The following LAMA5 variants were observed in gnomAD, a reference collection of about 807,000 sequenced individuals.
LAMA5 encodes the protein laminin subunit alpha 5, also known as laminin subunit alpha-5.
Under a neutral mutation model 433.4 loss-of-function variants are expected in LAMA5, and 260 were observed. That is an observed-to-expected ratio of 0.60 (90% CI 0.54 to 0.66). The LOEUF (loss-of-function observed/expected upper bound fraction) is 0.66. LAMA5 is among the 30% of genes least tolerant of loss of function. The pLI is 0.00. For synonymous variants in LAMA5, 2,620 were observed against 2,226.6 expected (o/e 1.18, Z -4.97); for missense variants, 5,378 against 5,258.5 (o/e 1.02, Z -0.70).
chr20:62,323,395 A>C, intron 45 of LAMA5, 61 bp downstream of exon 45: 1 of 1,341,136 alleles, frequency 7.5e-7, no homozygotes, highest in Non-Finnish European at 1.0e-6. Context: ...TACGCCCAGC[A>C]GGCCTCCCTC....
chr20:62,311,961 A>C lies in LAMA5; in HGVS notation c.9594T>G (p.Asp3198Glu), dbSNP rs774957770. The change falls in exon 70 of 80, where the codon GAT becomes GAG. Residue 3198 changes from aspartate to glutamate, a missense_variant. Coordinates refer to ENST00000252999, the MANE Select transcript of LAMA5 (RefSeq NM_005560.6). The stretch of plus-strand genomic sequence containing the variant: ...AGAAGGCGACGTAATGGGGGGCACC[A>C]TCGGCGAAGCCCGCTTGAGTTTTCA... ...TEVKTQAGFA[D>E]GAPHYVAFYS... The C allele has an allele frequency of 1.6e-5, 25 of 1,612,586 alleles. No individual in the cohort carries two copies. Among genetic ancestry groups the C allele is most frequent in the Non-Finnish European group, 2.0e-5 (24 of 1,179,906 alleles).
intron 2 of LAMA5, among the ~76,000 whole-genome samples, chr20:62,353,539 G>A (rs1475407308): frequency 1.3e-5 from 2 of 152,286 alleles, no homozygotes; most frequent in African/African-American, 4.8e-5. Flanking sequence ...GGAGTTTGGG[G>A]TTCCCCCATG....
At chr20:62,333,847 G>GTGGGA in intron 23 of LAMA5, 54 bp downstream of exon 23, 1 of 1,471,754 alleles carries the variant, frequency 6.8e-7, no homozygotes, top group Admixed American at 2.1e-5. Flanking sequence ...GTGGGGTGGG[G>GTGGGA]TGGGGTGGGC....
rs749010111 is a variant in LAMA5, at chr20:62,336,307, C to T, written c.2323+33G>A. ...CTTGTGGGCACAGTTCCCCAAGGAACCCCTGTACCCCAATACTCCAGGGCA... is the reference window on the plus strand; with the variant it reads ...CTTGTGGGCACAGTTCCCCAAGGAATCCCTGTACCCCAATACTCCAGGGCA... On this transcript the variant is annotated intron_variant, in intron 18 of 79. Coordinates refer to ENST00000252999, the MANE Select transcript of LAMA5 (RefSeq NM_005560.6). 9 of 1,462,322 alleles carry T rather than the reference C, an allele frequency of 6.2e-6. No individual in the cohort carries two copies. The Admixed American group carries it at 1.8e-4, about 29-fold the overall frequency. The allele number at this position is 1,462,322 out of a possible 1,614,324, so 90.6% of individuals were successfully genotyped here. A position where few individuals can be genotyped will look rare whatever the true frequency, so the allele number is the denominator to read the frequency against.
At position 62,333,935 on chromosome 20, in the gene LAMA5, C is replaced by G; in HGVS notation, c.2844G>C (p.Val948=). The change falls in exon 23 of 80, where the codon GTG becomes GTC. Residue 948 remains valine (V), a synonymous_variant. Coordinates refer to ENST00000252999, the MANE Select transcript of LAMA5 (RefSeq NM_005560.6). ...GAMSVSGRVS[V]REEGRSATCA... is the part of the protein sequence containing the mutation. ...AGGTGGCCGACCTGCCCTCCTCTCG[C>G]ACAGAGACCCGCCCGCTCACACTCA... 6.2e-7 allele frequency: 1 copy of G among 1,611,354 alleles called. No homozygotes were observed.
chr20:62,333,017 C>T lies in LAMA5; in HGVS notation c.3282+73G>A, dbSNP rs539201271. On this transcript the variant is annotated intron_variant, in intron 26 of 79. Transcript: ENST00000252999. ...GCGCCCTGCTCCTATAACCTGCCACCGCCACAGGACCCCCAGCCCCCAGGC... is the reference window on the plus strand; with the variant it reads ...GCGCCCTGCTCCTATAACCTGCCACTGCCACAGGACCCCCAGCCCCCAGGC... The T allele has an allele frequency of 6.4e-6, 9 of 1,400,180 alleles. No individual in the cohort carries two copies. In the East Asian group the frequency reaches 1.0e-4, roughly 16 times the overall value. 86.7% of individuals were successfully genotyped at this position (1,400,180 alleles called of 1,614,324 possible).
rs776715728 is a variant in LAMA5, at chr20:62,322,243, C to G, written c.6346+26G>C. The G allele has an allele frequency of 3.2e-6, 5 of 1,569,946 alleles. No homozygotes were observed. The East Asian group carries it at 1.2e-4, about 36-fold the overall frequency. On this transcript the variant is annotated intron_variant, in intron 47 of 79. Coordinates refer to ENST00000252999, the MANE Select transcript of LAMA5 (RefSeq NM_005560.6). ...TACCCCACTCAGAAGTCCCCATCCG[C>G]CCTCCTGTGACCGGCCAGCACTCAC...
chr20:62,352,171 C>T (rs375204592), intron 4 of LAMA5, 71 bp downstream of exon 4: 40 of 1,573,858 alleles, frequency 2.5e-5, no homozygotes, highest in Middle Eastern at 1.8e-4. Context: ...CAGCCCCGCT[C>T]GGCACTGCCC....
rs375971941 is a variant in LAMA5 at position 62,310,951 on chromosome 20, C to T, written c.10232G>A (p.Arg3411Gln). The T allele has an allele frequency of 1.9e-5, 30 of 1,611,254 alleles. No individual in the cohort carries two copies. Among genetic ancestry groups the T allele is most frequent in the African/African-American group, 4.0e-5 (3 of 74,906 alleles). Residue 3411 changes from arginine to glutamine, a missense_variant, in exon 74 of 80, where the codon CGG becomes CAG. Coordinates refer to ENST00000252999, the MANE Select transcript of LAMA5 (RefSeq NM_005560.6). ...FVAQMEGLGT[R>Q]LRAQSRQRSR... ...GCGCTGGCGGCTCTGGGCGCGGAGCCGAGTCCCGAGGCCTTCCATCTGTGC... is the reference window on the plus strand; with the variant it reads ...GCGCTGGCGGCTCTGGGCGCGGAGCTGAGTCCCGAGGCCTTCCATCTGTGC...
chr20:62,314,179 GGC>G, intron 62 of LAMA5, 123 bp downstream of exon 62: 1 of 1,239,932 alleles, frequency 8.1e-7, no homozygotes, highest in South Asian at 1.4e-5. Context: ...GGCACGGAGA[GGC>G]GAGGGGTGGC....
rs753364901 is a variant in LAMA5 at position 62,346,506 on chromosome 20, G to A, written c.1282C>T (p.Arg428Cys). ...CACCCGCCCAGCTGAGCCCACTCAC[G>A]GCGGCAGACGTGGGGCGAGTCGAGA... ...HPLDSPHVCR[R>C]CNCESDFTDG... The change falls in exon 9 of 80, where the codon CGC becomes TGC. Residue 428 changes from arginine (R) to cysteine (C), a missense_variant and splice_region_variant. Coordinates refer to ENST00000252999, the MANE Select transcript of LAMA5 (RefSeq NM_005560.6). The A allele has an allele frequency of 1.9e-5, 29 of 1,550,790 alleles. No individual in the cohort carries two copies. Among genetic ancestry groups the A allele is most frequent in the Middle Eastern group, 3.3e-4 (2 of 6,014 alleles).
chr20:62,351,050 A>G (rs1760073), intron 6 of LAMA5: 88,317 of 153,878 alleles, frequency 0.57, 27,523 homozygotes, highest in East Asian at 0.75. Context: ...GCTGCTGCCC[A>G]TCCTGTGAGG....
intron 34 of LAMA5, 22 bp downstream of exon 34, chr20:62,328,822 G>C: frequency 6.2e-7 from 1 of 1,604,682 alleles, no homozygotes. Flanking sequence ...GCCACTGGGC[G>C]CCCAAGGACT....
intron 18 of LAMA5, 121 bp downstream of exon 18, chr20:62,336,219 G>A (rs1981600640): frequency 1.5e-6 from 1 of 678,674 alleles, no homozygotes; most frequent in South Asian, 1.9e-5. Flanking sequence ...CTCCCTCCAG[G>A]GCACACTCAC....
rs749607911 is a variant in LAMA5, at chr20:62,313,688, G to A, written c.8619C>T (p.Asp2873=). 1.2e-6 allele frequency: 2 copies of A among 1,612,838 alleles called. No homozygotes were observed. The highest frequency in any genetic ancestry group is 1.7e-6 in the Non-Finnish European group (2 of 1,179,968). Residue 2873 remains aspartate, a synonymous_variant, in exon 63 of 80, where the codon GAC becomes GAT. Coordinates refer to ENST00000252999, the MANE Select transcript of LAMA5 (RefSeq NM_005560.6). ...GGTACCCCCCGACGTAGAAGACGAA[G>A]TCGTCTGGCCGCAGGTTGAGCAGCC... ...AEGLLNLRPD[D]FVFYVGGYPS...
In LAMA5 at chr20:62,324,558, A is replaced by G. The variant is rs1478393650; in HGVS notation, c.5530-4T>C. 2 of 1,604,674 alleles carry G rather than the reference A, an allele frequency of 1.2e-6. No homozygotes were observed. Among genetic ancestry groups the G allele is most frequent in the East Asian group, 2.2e-5 (1 of 44,734 alleles). On this transcript the variant is annotated splice_polypyrimidine_tract_variant and splice_region_variant and intron_variant, in intron 41 of 79. Coordinates refer to ENST00000252999, the MANE Select transcript of LAMA5 (RefSeq NM_005560.6). This position sits in a 1 kb window ranked among gnomAD's most constrained non-coding sequence, Gnocchi z 4.4. ...GATAGAAGCCGGGGGCACATTCCTG[A>G]GGGTGTACGGGGGCAGGTGGCATCA...
At chr20:62,349,893 T>C (rs1286710115) in intron 6 of LAMA5, among the ~76,000 whole-genome samples, 2 of 114,480 alleles carry the variant, frequency 1.7e-5, no homozygotes, top group Admixed American at 9.6e-5. Flanking sequence ...AGTAAGGTGA[T>C]GGTGGAGGTA....
rs1984426478 is a variant in LAMA5, at chr20:62,352,169, C to T, written c.687+73G>A. 9 of 1,576,646 alleles carry T rather than the reference C, an allele frequency of 5.7e-6. No individual in the cohort carries two copies. In the South Asian group the frequency reaches 9.0e-5, roughly 16 times the overall value. ...CCCACCTTTCCCTTCTCCAGCCCCG[C>T]TCGGCACTGCCCCTCCCCTACCCAC... On this transcript the variant is annotated intron_variant, in intron 4 of 79. Transcript: ENST00000252999.
In LAMA5 at chr20:62,311,177, G is replaced by A. The variant is rs777887274; in HGVS notation, c.10073C>T (p.Ala3358Val). 3 of 1,602,196 alleles carry A rather than the reference G, an allele frequency of 1.9e-6. No individual in the cohort carries two copies. Among genetic ancestry groups the A allele is most frequent in the Admixed American group, 1.7e-5 (1 of 58,288 alleles). ...CTGGCCTTACCAGTTCCTATGTCGG[G>A]CCAGGATGCCCACAAACTCCAGGTG... ...SSHLEFVGIL[A>V]RHRNWPSLSM... Residue 3358 changes from alanine (A) to valine (V), a missense_variant, in exon 73 of 80, where the codon GCC becomes GTC. Physicochemically the swap from Ala to Val is moderately conservative, Grantham distance 64. Transcript: ENST00000252999.
Sources: allele counts gnomAD v4.1 joint callset (sites outside exome capture counted in the v4.1 genomes callset), GRCh38; gene constraint gnomAD v4.1.1; non-coding constraint Gnocchi (gnomAD v3.1); transcripts MANE v1.5; gene names NCBI Gene and HGNC (gene_info 2026-07-23, HGNC 2026-07-21).